The following SCAI variants were observed in gnomAD, a reference collection of about 807,000 sequenced individuals.
SCAI encodes suppressor of cancer cell invasion, also known as protein SCAI.
A neutral mutation model predicts 92.2 loss-of-function variants in SCAI; 24 were observed. That is an observed-to-expected ratio of 0.26 (90% CI 0.19 to 0.37). SCAI has a LOEUF of 0.37. Among genes scored for constraint, SCAI ranks in the 10% least tolerant of loss-of-function variants. SCAI has a pLI of 1.00. For missense variants in SCAI, 450 were observed against 736.2 expected (o/e 0.61, Z 4.50); for synonymous variants, 261 against 258.6 (o/e 1.01, Z -0.09).
At chr9:124,991,564 C>T (rs1420210673) in intron 14 of SCAI, among the ~76,000 whole-genome samples, 2 of 151,052 alleles carry the variant, frequency 1.3e-5, no homozygotes, top group Non-Finnish European at 3.0e-5. Flanking sequence ...GCAGGTCGGG[C>T]ATGGTGGCTC....
intron 14 of SCAI, among the ~76,000 whole-genome samples, chr9:124,994,379 AT>A (rs1564370453): frequency 6.6e-6 from 1 of 152,186 alleles, no homozygotes. Context: ...CATCACTTCA[AT>A]AGTGAAATAT....
chr9:125,111,948 T>G (rs144086371), intron 2 of SCAI, among the ~76,000 whole-genome samples: 1 of 150,176 alleles, frequency 6.7e-6, no homozygotes, highest in African/African-American at 2.5e-5. Context: ...CTAGGGAGAG[T>G]TTCTCTCAAG....
chr9:125,011,939 T>A (rs1324679521), intron 9 of SCAI, among the ~76,000 whole-genome samples: 3 of 152,164 alleles, frequency 2.0e-5, no homozygotes, highest in African/African-American at 4.8e-5. Flanking sequence ...CTAAGCTTGA[T>A]AAGTGAAGGA....
intron 2 of SCAI, among the ~76,000 whole-genome samples, chr9:125,059,766 T>C (rs1284374501): frequency 6.6e-6 from 1 of 152,204 alleles, no homozygotes; most frequent in African/African-American, 2.4e-5. Context: ...TGGTGAAGAA[T>C]CACTAGCATC....
chr9:125,089,764 G>A (rs1174905071), intron 2 of SCAI, among the ~76,000 whole-genome samples: 3 of 152,044 alleles, frequency 2.0e-5, no homozygotes, highest in East Asian at 3.9e-4. Flanking sequence ...GAATGTAGTG[G>A]CACAATCACA....
intron 2 of SCAI, among the ~76,000 whole-genome samples, chr9:125,132,031 C>T (rs971700186): frequency 2.6e-5 from 4 of 152,152 alleles, no homozygotes; most frequent in African/African-American, 9.7e-5. Context: ...TCTATTTTTA[C>T]ACCGTGTTAC....
intron 2 of SCAI, among the ~76,000 whole-genome samples, chr9:125,129,903 TC>T (rs1292545851): frequency 1.3e-5 from 2 of 151,822 alleles, no homozygotes; most frequent in African/African-American, 2.4e-5. Flanking sequence ...TCTTTTCTTT[TC>T]TTTTTTTTTG....
chr9:125,135,971 C>T (rs377029702), intron 2 of SCAI, among the ~76,000 whole-genome samples: 1 of 81,086 alleles, frequency 1.2e-5, no homozygotes, highest in Non-Finnish European at 2.7e-5. Flanking sequence ...CCATCTCAAA[C>T]AAAAAAAAAA....
intron 2 of SCAI, among the ~76,000 whole-genome samples, chr9:125,059,238 A>T (rs955003204): frequency 2.0e-5 from 3 of 152,196 alleles, no homozygotes; most frequent in African/African-American, 7.2e-5. Flanking sequence ...ATCATGAGGA[A>T]ACAGACAAAA....
chr9:124,984,511 G>C (rs1489968693), intron 14 of SCAI, among the ~76,000 whole-genome samples: 2 of 152,136 alleles, frequency 1.3e-5, no homozygotes, highest in African/African-American at 4.8e-5. Context: ...GGAGGTAATA[G>C]GATCTTGGAT....
At position 124,943,789 on chromosome 9, in the gene SCAI, T is replaced by C. The variant is rs1474078957; in HGVS notation, c.*9018A>G. 6.6e-6 allele frequency: 1 copy of C among 152,154 alleles called. No individual in the cohort carries two copies. The highest frequency in any genetic ancestry group is 1.5e-5 in the Non-Finnish European group (1 of 68,010). The allele number at this position is 152,154 out of a possible 1,614,324, so 9.4% of individuals were successfully genotyped here. On this transcript the variant is annotated 3_prime_UTR_variant, in exon 18 of 18. Coordinates refer to ENST00000336505, the MANE Select transcript of SCAI (RefSeq NM_001144877.3). The stretch of plus-strand genomic sequence containing the variant: ...CTTAACCTTTAGTGATGATTAGAAC[T>C]TAAAAAAGGGAAACTCAACCTTCCA...
intron 2 of SCAI, among the ~76,000 whole-genome samples, chr9:125,131,928 C>T (rs1315961582): frequency 1.3e-5 from 2 of 152,156 alleles, no homozygotes; most frequent in Non-Finnish European, 2.9e-5. Context: ...ATAAACACTA[C>T]CTGTCTGACG....
intron 3 of SCAI, 44 bp from the exon 4 acceptor site, chr9:125,029,783 C>G: frequency 8.6e-7 from 1 of 1,167,360 alleles, no homozygotes; most frequent in South Asian, 1.5e-5. Context: ...ACTTCTTATT[C>G]TATTTGGAAA....
chr9:124,967,511 C>T (rs1831564402), intron 17 of SCAI, among the ~76,000 whole-genome samples: 1 of 152,110 alleles, frequency 6.6e-6, no homozygotes, highest in African/African-American at 2.4e-5. Context: ...TACAAAGCAC[C>T]TCCTCAGCTC....
chr9:125,067,246 T>A (rs934931776), intron 2 of SCAI, among the ~76,000 whole-genome samples: 1 of 152,218 alleles, frequency 6.6e-6, no homozygotes, highest in Non-Finnish European at 1.5e-5. Flanking sequence ...GTTGAAGTCC[T>A]AACTTCTGGT....
intron 2 of SCAI, among the ~76,000 whole-genome samples, chr9:125,085,779 A>G (rs760125171): frequency 6.6e-6 from 1 of 152,160 alleles, no homozygotes; most frequent in Non-Finnish European, 1.5e-5. Context: ...AATATATATG[A>G]TAATTCTTTG....
At chr9:125,104,074 C>T (rs1041213954) in intron 2 of SCAI, among the ~76,000 whole-genome samples, 5 of 152,098 alleles carry the variant, frequency 3.3e-5, no homozygotes, top group African/African-American at 4.8e-5. Flanking sequence ...AATATGCATC[C>T]TAACAGGATT....
intron 3 of SCAI, among the ~76,000 whole-genome samples, chr9:125,040,496 G>T (rs1011572433): frequency 5.3e-5 from 8 of 152,010 alleles, no homozygotes; most frequent in African/African-American, 1.9e-4. Flanking sequence ...AGAATATATC[G>T]GGTTTCTTTA....
At chr9:125,076,688 C>T (rs763089586) in intron 2 of SCAI, among the ~76,000 whole-genome samples, 1 of 151,928 alleles carries the variant, frequency 6.6e-6, no homozygotes, top group Non-Finnish European at 1.5e-5. Context: ...AACATCATGG[C>T]GAAACACCAT....
Sources: allele counts gnomAD v4.1 joint callset (sites outside exome capture counted in the v4.1 genomes callset), GRCh38; gene constraint gnomAD v4.1.1; transcripts MANE v1.5; gene names NCBI Gene and HGNC (gene_info 2026-07-23, HGNC 2026-07-21).